DBX2: variants seen among roughly 807,000 people sequenced by gnomAD.
The protein encoded by DBX2 is developing brain homeobox 2.
A neutral mutation model predicts 17.7 loss-of-function variants in DBX2; 16 were observed. The observed-to-expected ratio is 0.90, with a 90% confidence interval of 0.61 to 1.37. The LOEUF (loss-of-function observed/expected upper bound fraction) is 1.37, where lower values mean the gene tolerates loss of function less well. Among genes scored for constraint, DBX2 ranks in the 40% most tolerant of loss-of-function variants. The pLI, the probability that DBX2 is intolerant of heterozygous loss-of-function variation, is 0.00. For missense variants in DBX2, 538 were observed against 433.8 expected (o/e 1.24, Z -2.13); for synonymous variants, 255 against 183.8 (o/e 1.39, Z -3.13).
intron 1 of DBX2, among the ~76,000 whole-genome samples, chr12:45,045,716 ATTT>A (rs1946495974): frequency 6.6e-6 from 1 of 151,810 alleles, no homozygotes. Context: ...TTGTTTTTTT[ATTT>A]GTTTGTTTGT....
At chr12:45,029,000 T>A (rs1307912369) in intron 2 of DBX2, among the ~76,000 whole-genome samples, 1 of 152,192 alleles carries the variant, frequency 6.6e-6, no homozygotes, top group African/African-American at 2.4e-5. Context: ...TTATGGGCAA[T>A]CTCTGGATCC....
chr12:45,034,874 T>C (rs964887175), intron 2 of DBX2, among the ~76,000 whole-genome samples: 2 of 152,202 alleles, frequency 1.3e-5, no homozygotes, highest in Non-Finnish European at 2.9e-5. Context: ...GCCTTTTCCA[T>C]GTGAAATGGT....
chr12:45,031,564 T>C (rs998422255), intron 2 of DBX2, among the ~76,000 whole-genome samples: 10 of 152,242 alleles, frequency 6.6e-5, no homozygotes, highest in African/African-American at 2.2e-4. Flanking sequence ...AGGACAAAAA[T>C]ATTCAATTTT....
chr12:45,048,144 T>C (rs909354732), intron 1 of DBX2, among the ~76,000 whole-genome samples: 1 of 152,066 alleles, frequency 6.6e-6, no homozygotes, highest in Admixed American at 6.5e-5. Context: ...CGAAAAATAA[T>C]GAAACCAAAA....
intron 2 of DBX2, among the ~76,000 whole-genome samples, chr12:45,032,398 C>G (rs773187171): frequency 1.3e-5 from 2 of 152,150 alleles, no homozygotes; most frequent in Non-Finnish European, 2.9e-5. Context: ...TTCCACAAAT[C>G]TGGTCAGTGT....
chr12:45,018,356 A>C (rs1410506012), intron 3 of DBX2, among the ~76,000 whole-genome samples: 1 of 152,178 alleles, frequency 6.6e-6, no homozygotes, highest in Non-Finnish European at 1.5e-5. Flanking sequence ...AATACATAAA[A>C]GGAGTTTCCT....
At chr12:45,018,858 G>A (rs1946336801) in intron 3 of DBX2, among the ~76,000 whole-genome samples, 1 of 152,026 alleles carries the variant, frequency 6.6e-6, no homozygotes, top group African/African-American at 2.4e-5. Context: ...AATGAACCTT[G>A]AGGATATTAT....
At chr12:45,041,794 T>C (rs979071318) in intron 1 of DBX2, among the ~76,000 whole-genome samples, 1 of 152,110 alleles carries the variant, frequency 6.6e-6, no homozygotes, top group African/African-American at 2.4e-5. Context: ...ACTACAAAGA[T>C]TGAAAAAGGA....
Position 45,050,864 on chromosome 12 carries a change from G to T in DBX2, c.64C>A (p.Leu22Ile). 2 of 1,536,316 alleles carry T rather than the reference G, an allele frequency of 1.3e-6. No homozygotes were observed. Among genetic ancestry groups the T allele is most frequent in the Non-Finnish European group, 1.7e-6 (2 of 1,144,508 alleles). ...CCGGGCGCAGCGGGGAGGTTGAGGA[G>T]CGCGGAGGAAGCCACAACGTCCCAG... ...AYWDVVASSALLNLPAAPGFG... is the reference protein window; with the variant it reads ...AYWDVVASSAILNLPAAPGFG... Residue 22 changes from leucine to isoleucine, a missense_variant, in exon 1 of 4, where the codon CTC becomes ATC. Transcript: ENST00000332700.
intron 1 of DBX2, among the ~76,000 whole-genome samples, chr12:45,039,053 C>T (rs2137028804): frequency 6.6e-6 from 1 of 151,788 alleles, no homozygotes; most frequent in African/African-American, 2.4e-5. Flanking sequence ...TTTTGACATG[C>T]ATATTTACAC....
chr12:45,039,289 A>G (rs1244721001), intron 1 of DBX2, among the ~76,000 whole-genome samples: 55 of 79,298 alleles, frequency 6.9e-4, no homozygotes, highest in African/African-American at 3.2e-3. Flanking sequence ...ATATATATAT[A>G]TATATATATA....
At position 45,050,901 on chromosome 12, in the gene DBX2, G is replaced by T; in HGVS notation, c.27C>A (p.His9Gln). ...CCACAACGTCCCAGTACGCACCGGC[G>T]TGGGCTGCGACCGCGCTGGGGAGCA... MLPSAVAA[H>Q]AGAYWDVVAS... Residue 9 changes from histidine (H) to glutamine (Q), a missense_variant, in exon 1 of 4, where the codon CAC (histidine) becomes CAA (glutamine). Physicochemically the swap from His to Gln is conservative, Grantham distance 24. Transcript: ENST00000332700. 1.3e-6 allele frequency: 2 copies of T among 1,513,026 alleles called. No homozygotes were observed. Among genetic ancestry groups the T allele is most frequent in the South Asian group, 1.3e-5 (1 of 79,328 alleles). 93.7% of individuals were successfully genotyped at this position (1,513,026 alleles called of 1,614,324 possible). A position where few individuals can be genotyped will look rare whatever the true frequency, so the allele number is the denominator to read the frequency against.
chr12:45,032,733 A>G (rs11182800), intron 2 of DBX2, among the ~76,000 whole-genome samples: 16,337 of 152,150 alleles, frequency 0.11, 1,711 homozygotes, highest in East Asian at 0.37. Flanking sequence ...AATCTTTATA[A>G]TGCTGCTCCA....
chr12:45,018,811 T>C (rs1332601491), intron 3 of DBX2, among the ~76,000 whole-genome samples: 1 of 151,932 alleles, frequency 6.6e-6, no homozygotes, highest in African/African-American at 2.4e-5. Flanking sequence ...TATTCAGCCT[T>C]GAAAAGGAAG....
intron 3 of DBX2, among the ~76,000 whole-genome samples, chr12:45,017,667 A>T (rs1042349166): frequency 5.3e-5 from 8 of 152,170 alleles, no homozygotes; most frequent in Non-Finnish European, 1.2e-4. Flanking sequence ...GTGGTTCCTA[A>T]TTTGAACCAT....
intron 3 of DBX2, among the ~76,000 whole-genome samples, chr12:45,018,506 A>G (rs1225076707): frequency 2.0e-5 from 3 of 152,164 alleles, no homozygotes; most frequent in Non-Finnish European, 2.9e-5. Context: ...AAAAGAAAAT[A>G]GAGATTATCA....
chr12:45,048,283 G>C (rs756162533), intron 1 of DBX2, among the ~76,000 whole-genome samples: 16 of 152,122 alleles, frequency 1.1e-4, no homozygotes, highest in Non-Finnish European at 1.8e-4. Flanking sequence ...TGGGAAAAAA[G>C]GGGGTAGTCA....
Position 45,019,716 on chromosome 12 carries a change from A to G in DBX2, c.688-3098T>C, listed in dbSNP as rs372461416. Reference sequence around the variant, plus strand: ...AATGATGGTCTGTTATGAAAGACAAAAAAGAATGAAGTAGATCTGTATGTA... The same window carrying G: ...AATGATGGTCTGTTATGAAAGACAAGAAAGAATGAAGTAGATCTGTATGTA... On this transcript the variant is annotated intron_variant, in intron 3 of 3. Transcript: ENST00000332700. Among the ~76,000 whole-genome samples the G allele has an allele frequency of 2.1e-4, 32 of 152,232 alleles. No homozygotes were observed. In the South Asian group the frequency reaches 6.6e-3, roughly 32 times the overall value.
At chr12:45,020,000 C>T (rs1343485686) in intron 3 of DBX2, among the ~76,000 whole-genome samples, 3 of 152,156 alleles carry the variant, frequency 2.0e-5, no homozygotes, top group African/African-American at 7.2e-5. Flanking sequence ...ATTCTATTTA[C>T]ATAAATTACT....
Sources: allele counts gnomAD v4.1 joint callset (sites outside exome capture counted in the v4.1 genomes callset), GRCh38; gene constraint gnomAD v4.1.1; transcripts MANE v1.5; gene names NCBI Gene and HGNC (gene_info 2026-07-23, HGNC 2026-07-21).